The following ZFHX3 variants were observed in gnomAD, a reference collection of about 807,000 sequenced individuals.
The protein encoded by ZFHX3 is zinc finger homeobox 3.
ZFHX3 carries 42 observed loss-of-function variants against 279.1 expected under a neutral mutation model. The ratio of observed to expected loss-of-function variants is 0.15; its 90% CI spans 0.12 to 0.19. The LOEUF (loss-of-function observed/expected upper bound fraction) is 0.19. ZFHX3 is among the 10% of genes least tolerant of loss of function. The pLI, the probability that ZFHX3 is intolerant of heterozygous loss-of-function variation, is 1.00. For missense variants in ZFHX3, 4,981 were observed against 4,754.0 expected (o/e 1.05, Z -1.40); for synonymous variants, 2,293 against 1,957.8 (o/e 1.17, Z -4.52).
chr16:72,931,681 T>C (rs1280358233), intron 3 of ZFHX3, among the ~76,000 whole-genome samples: 1 of 151,990 alleles, frequency 6.6e-6, no homozygotes, highest in African/African-American at 2.4e-5. Context: ...AGGTGCTCCC[T>C]ACAGTGAAGG....
At chr16:73,626,141 C>T (rs1415647058) in intron 2 of ZFHX3, among the ~76,000 whole-genome samples, 1 of 152,186 alleles carries the variant, frequency 6.6e-6, no homozygotes. Context: ...CAGGCGTGAG[C>T]CACCACGCCC....
chr16:73,641,906 C>G (rs972986710), intron 2 of ZFHX3, among the ~76,000 whole-genome samples: 2 of 152,120 alleles, frequency 1.3e-5, no homozygotes, highest in African/African-American at 4.8e-5. Flanking sequence ...GCAAATTGGT[C>G]TCTCTGTGAA....
intron 1 of ZFHX3, among the ~76,000 whole-genome samples, chr16:73,840,809 G>A (rs1961284189): frequency 6.6e-6 from 1 of 152,146 alleles, no homozygotes; most frequent in Admixed American, 6.5e-5. Context: ...GTCGACTGAT[G>A]AGATTTCCAT....
intron 3 of ZFHX3, among the ~76,000 whole-genome samples, chr16:73,409,688 C>G (rs2017428359): frequency 6.6e-6 from 1 of 152,132 alleles, no homozygotes; most frequent in African/African-American, 2.4e-5. Flanking sequence ...CAGCACTGTT[C>G]ACAACAGCCA....
At position 73,181,247 on chromosome 16, in the gene ZFHX3, C is replaced by T. The variant is rs779054591; in HGVS notation, c.-1103-37416G>A. Among the ~76,000 whole-genome samples, 37 of 152,092 alleles carry T rather than the reference C, an allele frequency of 2.4e-4. 1 individual carries two copies. The highest frequency in any genetic ancestry group is 1.2e-4 in the African/African-American group (5 of 41,416). On this transcript the variant is annotated intron_variant, in intron 5 of 17. Transcript: ENST00000641206. The stretch of plus-strand genomic sequence containing the variant: ...TCCTGAGTAGCTGGGATTACAGGCA[C>T]ACGCCAGCATGCCCAGCTAATTTTT...
At chr16:73,464,594 G>A (rs931904561) in intron 2 of ZFHX3, among the ~76,000 whole-genome samples, 2 of 150,300 alleles carry the variant, frequency 1.3e-5, no homozygotes, top group Admixed American at 6.6e-5. Context: ...AATAAAATAA[G>A]GGGCGGGGGG....
At chr16:73,780,531 C>T (rs968225042) in intron 1 of ZFHX3, among the ~76,000 whole-genome samples, 6 of 151,684 alleles carry the variant, frequency 4.0e-5, no homozygotes, top group African/African-American at 9.7e-5. Flanking sequence ...CAACCTCTGA[C>T]GCCTGGGTTC....
intron 4 of ZFHX3, among the ~76,000 whole-genome samples, chr16:73,278,456 G>A (rs540348182): frequency 6.6e-6 from 1 of 152,310 alleles, no homozygotes; most frequent in East Asian, 1.9e-4. Flanking sequence ...TGAAGCCAGG[G>A]ACCATCAAGG....
intron 2 of ZFHX3, among the ~76,000 whole-genome samples, chr16:73,623,574 T>C (rs985958736): frequency 9.2e-5 from 14 of 152,332 alleles, no homozygotes; most frequent in Non-Finnish European, 4.4e-5. Flanking sequence ...AATAATTTAA[T>C]GTAATTTCCC....
At chr16:73,337,410 A>G (rs1206615576) in intron 3 of ZFHX3, among the ~76,000 whole-genome samples, 2 of 151,944 alleles carry the variant, frequency 1.3e-5, no homozygotes, top group Non-Finnish European at 2.9e-5. Context: ...CATCCCAAAT[A>G]CCATAGTGCC....
intron 1 of ZFHX3, among the ~76,000 whole-genome samples, chr16:73,829,364 C>A (rs1960932648): frequency 2.2e-5 from 1 of 46,014 alleles, no homozygotes; most frequent in Admixed American, 2.5e-4. Context: ...CCTCCCGTAG[C>A]TCAGAGTAAT....
intron 7 of ZFHX3, among the ~76,000 whole-genome samples, chr16:73,125,026 G>T (rs1422872055): frequency 6.6e-6 from 1 of 152,088 alleles, no homozygotes; most frequent in Non-Finnish European, 1.5e-5. Context: ...AGGTGGAGAA[G>T]GTGAGAGAGT....
intron 4 of ZFHX3, among the ~76,000 whole-genome samples, chr16:72,876,068 A>G (rs533859312): frequency 2.0e-5 from 3 of 152,326 alleles, no homozygotes; most frequent in South Asian, 4.1e-4. Context: ...AATTTATAGG[A>G]TAGTTTTTCT....
intron 1 of ZFHX3, among the ~76,000 whole-genome samples, chr16:73,792,296 C>T (rs1959848610): frequency 6.6e-6 from 1 of 152,154 alleles, no homozygotes; most frequent in African/African-American, 2.4e-5. Flanking sequence ...GGAATGAACT[C>T]ATTTCCAGGG....
chr16:72,911,307 C>T (rs192026512), intron 3 of ZFHX3, among the ~76,000 whole-genome samples: 3 of 152,290 alleles, frequency 2.0e-5, no homozygotes, highest in Middle Eastern at 3.4e-3. Flanking sequence ...CTCCATGTTT[C>T]CCCCACTGTA....
At chr16:73,055,452 T>A (rs943662079) in intron 1 of ZFHX3, among the ~76,000 whole-genome samples, 3 of 152,092 alleles carry the variant, frequency 2.0e-5, no homozygotes, top group African/African-American at 7.2e-5. Flanking sequence ...AAAGCAGCTG[T>A]AGGGGTTTTG....
chr16:73,418,790 T>G (rs2017652982), intron 3 of ZFHX3, among the ~76,000 whole-genome samples: 3 of 152,240 alleles, frequency 2.0e-5, no homozygotes. Context: ...GCCAGAAACT[T>G]GCTTGGCAAA....
chr16:73,688,667 G>A (rs2053116544), intron 1 of ZFHX3, among the ~76,000 whole-genome samples: 1 of 152,120 alleles, frequency 6.6e-6, no homozygotes, highest in Admixed American at 6.6e-5. Flanking sequence ...CCAGTGTAAG[G>A]TATTTTTTCA....
chr16:73,301,360 C>T (rs534053326), intron 4 of ZFHX3, among the ~76,000 whole-genome samples: 1 of 152,320 alleles, frequency 6.6e-6, no homozygotes, highest in African/African-American at 2.4e-5. Flanking sequence ...AGTCAAACTT[C>T]TTCAGAGCTT....
Sources: gnomAD v4.1 joint callset for allele counts (sites outside exome capture counted in the v4.1 genomes callset) on GRCh38, gnomAD v4.1.1 for gene constraint, MANE v1.5 for transcripts, NCBI Gene and HGNC (gene_info 2026-07-23, HGNC 2026-07-21) for gene names.